Variants in DNAJB14 observed in about 807,000 individuals in gnomAD.
DNAJB14 encodes DnaJ heat shock protein family (Hsp40) member B14.
DNAJB14 carries 22 observed loss-of-function variants against 48.4 expected under a neutral mutation model. That is an observed-to-expected ratio of 0.45 (90% CI 0.32 to 0.65). The LOEUF is 0.65. Ranked by LOEUF, DNAJB14 falls within the 30% of genes least tolerant of loss-of-function variation. The pLI is 0.03. For synonymous variants in DNAJB14, 142 were observed against 158.7 expected (o/e 0.89, Z 0.79); for missense variants, 319 against 458.8 (o/e 0.70, Z 2.78).
chr4:99,932,897 G>A (rs1424150515), intron 1 of DNAJB14, among the ~76,000 whole-genome samples: 2 of 152,032 alleles, frequency 1.3e-5, no homozygotes, highest in Non-Finnish European at 1.5e-5. Flanking sequence ...TATACTATAC[G>A]GTTCCGTTTA....
In DNAJB14 at chr4:99,917,455, G is replaced by C. The variant is rs191950689; in HGVS notation, c.451+5585C>G. Among the ~76,000 whole-genome samples the C allele has an allele frequency of 2.8e-3, 423 of 152,268 alleles. 13 individuals are homozygous for C. Among genetic ancestry groups the C allele is most frequent in the Non-Finnish European group, 6.8e-4 (46 of 68,028 alleles). Reference sequence around the variant, plus strand: ...GGTTCACAAATGGTTCCTTCTAGCTGTGTCTTCACAAGGTAGAATCCGACC... The same window carrying C: ...GGTTCACAAATGGTTCCTTCTAGCTCTGTCTTCACAAGGTAGAATCCGACC... On this transcript the variant is annotated intron_variant, in intron 3 of 7. Transcript: ENST00000442697.
chr4:99,911,259 A>G (rs946449054), intron 3 of DNAJB14, among the ~76,000 whole-genome samples: 5 of 152,198 alleles, frequency 3.3e-5, no homozygotes, highest in Non-Finnish European at 5.9e-5. Flanking sequence ...GTAGTAGTCC[A>G]TGGTTAAGGA....
Position 99,905,600 on chromosome 4 carries a change from C to G in DNAJB14, c.839G>C (p.Arg280Thr). ...AAAACTTCACTTGGCTACTTACGAT[C>G]TGGGATATAAGGAATAAGGAGGATT... ...VSNPPYSLYP[R>T]SGTGQTIKMQ... Residue 280 changes from arginine (R) to threonine (T), a missense_variant, in exon 6 of 8, where the codon AGA becomes ACA. This residue lies in a region of DNAJB14 where 166 missense variants were observed against 236.3 expected (regional missense o/e 0.70). Coordinates refer to ENST00000442697, the MANE Select transcript of DNAJB14 (RefSeq NM_001031723.4). 6.2e-7 allele frequency: 1 copy of G among 1,604,978 alleles called. No individual in the cohort carries two copies. Among genetic ancestry groups the G allele is most frequent in the South Asian group, 1.1e-5 (1 of 89,952 alleles).
rs746408170 is a variant in DNAJB14 at position 99,930,500 on chromosome 4, A to G, written c.255T>C (p.Ser85=). Residue 85 remains serine, a synonymous_variant, in exon 2 of 8, where the codon AGT becomes AGC. Transcript: ENST00000442697. The part of the protein sequence containing the change: ...PNCTKDSTSG[S]GEGGKGYTKD... Reference sequence around the variant, plus strand: ...TGGTATAGCCTTTTCCACCTTCACCACTACCAGATGTGCTGTCCTTTGTGC... The same window carrying G: ...TGGTATAGCCTTTTCCACCTTCACCGCTACCAGATGTGCTGTCCTTTGTGC... 1.9e-6 allele frequency: 3 copies of G among 1,610,816 alleles called. No individual in the cohort carries two copies. In the African/African-American group the frequency reaches 4.0e-5, roughly 22 times the overall value.
intron 1 of DNAJB14, among the ~76,000 whole-genome samples, chr4:99,943,059 A>G (rs181296447): frequency 2.2e-4 from 33 of 152,322 alleles, no homozygotes; most frequent in African/African-American, 7.2e-4. Context: ...AAATTGTACC[A>G]ATAAACATCT....
At chr4:99,937,091 C>T (rs1033758944) in intron 1 of DNAJB14, among the ~76,000 whole-genome samples, 5 of 151,992 alleles carry the variant, frequency 3.3e-5, no homozygotes, top group South Asian at 4.2e-4. Flanking sequence ...CCGAGGCGGG[C>T]GGATCAGGAG....
At chr4:99,905,899 T>C (rs1418460673) in intron 5 of DNAJB14, 193 bp from the exon 6 acceptor site, 2 of 1,326,972 alleles carry the variant, frequency 1.5e-6, no homozygotes, top group Admixed American at 5.9e-5. Context: ...AGATTCTGAT[T>C]TGAAAAACAC....
chr4:99,915,948 C>T (rs1725838971), intron 3 of DNAJB14, among the ~76,000 whole-genome samples: 1 of 152,006 alleles, frequency 6.6e-6, no homozygotes, highest in Non-Finnish European at 1.5e-5. Context: ...AAGGACTGAC[C>T]CTTTTATCAT....
intron 7 of DNAJB14, among the ~76,000 whole-genome samples, chr4:99,903,337 TTA>T (rs1725358869): frequency 6.6e-6 from 1 of 151,778 alleles, no homozygotes; most frequent in African/African-American, 2.4e-5. Context: ...AAAAGCTAAA[TTA>T]ATAGAGTTTC....
At chr4:99,930,326 C>T in intron 2 of DNAJB14, 124 bp downstream of exon 2, 1 of 942,678 alleles carries the variant, frequency 1.1e-6, no homozygotes, top group Non-Finnish European at 1.5e-6. Flanking sequence ...ATAAGACACA[C>T]CCAGAGTTCA....
chr4:99,909,557 T>A (rs887323586), intron 3 of DNAJB14, among the ~76,000 whole-genome samples: 3 of 152,034 alleles, frequency 2.0e-5, no homozygotes, highest in Non-Finnish European at 4.4e-5. Context: ...CTGAATTAGT[T>A]TTTAAATAAA....
At chr4:99,930,710 G>T in intron 1 of DNAJB14, 89 bp from the exon 2 acceptor site, 1 of 1,382,164 alleles carries the variant, frequency 7.2e-7, no homozygotes, top group East Asian at 2.4e-5. Context: ...GACAAATTAT[G>T]AAGTGTGTTC....
chr4:99,945,336 A>G (rs1055156804), intron 1 of DNAJB14, among the ~76,000 whole-genome samples: 2 of 152,334 alleles, frequency 1.3e-5, no homozygotes, highest in Middle Eastern at 3.4e-3. Flanking sequence ...GGCTTCAACG[A>G]CGTAGAGAAA....
intron 7 of DNAJB14, among the ~76,000 whole-genome samples, chr4:99,902,588 C>A (rs984890108): frequency 6.6e-6 from 1 of 152,084 alleles, no homozygotes; most frequent in African/African-American, 2.4e-5. Context: ...TTAGAAGTTA[C>A]ATTTTATCAA....
At chr4:99,923,939 TTTTCATTGTGATAAGCACA>T (rs1163936720) in intron 2 of DNAJB14, 16 of 916,022 alleles carry the variant, frequency 1.7e-5, no homozygotes, top group Admixed American at 6.2e-5. Context: ...TTATCCCTGA[TTTTCATTGTGATAAGCACA>T]TTTCTAAAGA....
At chr4:99,918,249 C>A (rs1725928028) in intron 3 of DNAJB14, among the ~76,000 whole-genome samples, 1 of 152,140 alleles carries the variant, frequency 6.6e-6, no homozygotes, top group Non-Finnish European at 1.5e-5. Flanking sequence ...GTCCATTCTG[C>A]TGTTTATTCT....
At chr4:99,932,076 G>A (rs758996528) in intron 1 of DNAJB14, among the ~76,000 whole-genome samples, 1 of 151,932 alleles carries the variant, frequency 6.6e-6, no homozygotes, top group Non-Finnish European at 1.5e-5. Context: ...ACTCTTAGAA[G>A]AAAATACAGA....
intron 3 of DNAJB14, among the ~76,000 whole-genome samples, chr4:99,915,421 G>C (rs1020861452): frequency 1.3e-5 from 2 of 152,302 alleles, no homozygotes; most frequent in Non-Finnish European, 2.9e-5. Flanking sequence ...ACAGGCGTGA[G>C]CCACTGTGCC....
chr4:99,908,474 A>G (rs1725543101), intron 4 of DNAJB14, among the ~76,000 whole-genome samples: 1 of 152,158 alleles, frequency 6.6e-6, no homozygotes, highest in South Asian at 2.1e-4. Flanking sequence ...TTTATATAAA[A>G]TACAGAATAT....
Sources: gnomAD v4.1 joint callset for allele counts (sites outside exome capture counted in the v4.1 genomes callset) on GRCh38, gnomAD v4.1.1 for gene constraint, gnomAD v4.1.1 regional missense constraint, MANE v1.5 for transcripts, NCBI Gene and HGNC (gene_info 2026-07-23, HGNC 2026-07-21) for gene names.